The following HMGCLL1 variants were observed in gnomAD, a reference collection of about 807,000 sequenced individuals.
The protein encoded by HMGCLL1 is 3-hydroxy-3-methylglutaryl-CoA lyase like 1, also known as 3-hydroxymethyl-3-methylglutaryl-CoA lyase, cytoplasmic.
A neutral mutation model predicts 39.1 loss-of-function variants in HMGCLL1; 36 were observed. The observed-to-expected ratio is 0.92, with a 90% CI of 0.71 to 1.22. The LOEUF is 1.22. HMGCLL1 is among the 50% of genes most tolerant of loss of function. The pLI is 0.00. For missense variants in HMGCLL1, 451 were observed against 416.5 expected, an observed-to-expected ratio of 1.08 and a Z score of -0.72; for synonymous variants, 149 against 144.0, an observed-to-expected ratio of 1.03 and a Z score of -0.25.
chr6:55,611,664 A>G, the HMGCLL1 span, among the ~76,000 whole-genome samples: 1 of 152,152 alleles, frequency 6.6e-6, no homozygotes, highest in Admixed American at 6.6e-5. Flanking sequence ...CAACATACAC[A>G]AATCAATAAA....
intron 5 of HMGCLL1, chr6:55,513,647 G>A (rs1355269086): frequency 1.7e-5 from 3 of 176,638 alleles, no homozygotes; most frequent in African/African-American, 7.1e-5. Flanking sequence ...AATACTCTTT[G>A]AAGAAAAAGT....
the HMGCLL1 span, among the ~76,000 whole-genome samples, chr6:55,659,206 G>C: frequency 6.6e-6 from 1 of 151,854 alleles, no homozygotes; most frequent in Non-Finnish European, 1.5e-5. Context: ...TGAGTGGATA[G>C]AGATGTCATT....
At chr6:55,639,919 A>G in the HMGCLL1 span, among the ~76,000 whole-genome samples, 1 of 149,924 alleles carries the variant, frequency 6.7e-6, no homozygotes, top group Non-Finnish European at 1.5e-5. Flanking sequence ...TCTCTACTAG[A>G]AAAAAAAAAT....
intron 3 of HMGCLL1, among the ~76,000 whole-genome samples, chr6:55,539,315 T>G (rs1176573503): frequency 6.6e-6 from 1 of 152,188 alleles, no homozygotes; most frequent in Non-Finnish European, 1.5e-5. Flanking sequence ...GAAATGCCAT[T>G]TGACCCATCA....
chr6:55,578,877 G>A, intron 1 of HMGCLL1, 71 bp downstream of exon 1: 2 of 1,108,590 alleles, frequency 1.8e-6, no homozygotes, highest in Admixed American at 1.8e-5. Context: ...GGCACCAAGA[G>A]GTTGCAGGGA....
At chr6:55,532,560 T>C (rs1768743887) in intron 3 of HMGCLL1, among the ~76,000 whole-genome samples, 1 of 151,968 alleles carries the variant, frequency 6.6e-6, no homozygotes, top group Non-Finnish European at 1.5e-5. Flanking sequence ...CTCAACACTT[T>C]GGGAGCCTGA....
chr6:55,658,046 C>T, the HMGCLL1 span, among the ~76,000 whole-genome samples: 3 of 151,400 alleles, frequency 2.0e-5, no homozygotes, highest in South Asian at 4.2e-4. Flanking sequence ...GCACTTATAC[C>T]TTGAACTTAA....
intron 1 of HMGCLL1, among the ~76,000 whole-genome samples, chr6:55,578,645 A>G (rs902806870): frequency 6.6e-6 from 1 of 152,240 alleles, no homozygotes; most frequent in Non-Finnish European, 1.5e-5. Context: ...AAATTGTATT[A>G]CGTAATGCAT....
chr6:55,638,865 A>G, the HMGCLL1 span, among the ~76,000 whole-genome samples: 1 of 152,182 alleles, frequency 6.6e-6, no homozygotes, highest in Non-Finnish European at 1.5e-5. Context: ...CAGGAGAATA[A>G]AGCCAAGAGT....
the HMGCLL1 span, among the ~76,000 whole-genome samples, chr6:55,631,965 T>G: frequency 6.6e-6 from 1 of 152,162 alleles, no homozygotes; most frequent in African/African-American, 2.4e-5. Context: ...GTCATTTTTC[T>G]GGAAAGTTTT....
intron 5 of HMGCLL1, chr6:55,512,114 A>G (rs1384437090): frequency 6.6e-6 from 1 of 152,126 alleles, no homozygotes; most frequent in Non-Finnish European, 1.5e-5. Context: ...AGTTACATTA[A>G]CTATTCCATT....
chr6:55,571,303 G>A (rs1771477510), intron 1 of HMGCLL1, among the ~76,000 whole-genome samples: 1 of 152,108 alleles, frequency 6.6e-6, no homozygotes, highest in African/African-American at 2.4e-5. Flanking sequence ...CCTGGTACAT[G>A]TTATTTGAAG....
chr6:55,546,881 G>A (rs12193162), intron 1 of HMGCLL1, among the ~76,000 whole-genome samples: 98,438 of 151,934 alleles, frequency 0.65, 32,190 homozygotes, highest in Admixed American at 0.71. Context: ...TCCAGAGTGA[G>A]TGTTTCAAAA....
intron 1 of HMGCLL1, among the ~76,000 whole-genome samples, chr6:55,548,875 AT>A (rs1770148397): frequency 6.6e-6 from 1 of 151,662 alleles, no homozygotes; most frequent in African/African-American, 2.4e-5. Context: ...GACAAAGTAC[AT>A]GTAAGAAGAA....
At chr6:55,524,780 T>C (rs1377677393) in intron 3 of HMGCLL1, among the ~76,000 whole-genome samples, 2 of 151,742 alleles carry the variant, frequency 1.3e-5, no homozygotes, top group African/African-American at 2.4e-5. Context: ...CCTTGGAAAA[T>C]TTCATATTTC....
At chr6:55,674,051 G>A in the HMGCLL1 span, among the ~76,000 whole-genome samples, 4 of 151,984 alleles carry the variant, frequency 2.6e-5, no homozygotes, top group Admixed American at 2.0e-4. Context: ...GGTAGGCTGA[G>A]AGTAAAGAAG....
chr6:55,542,231 C>A, intron 1 of HMGCLL1, 91 bp from the exon 2 acceptor site: 4 of 692,850 alleles, frequency 5.8e-6, no homozygotes, highest in African/African-American at 1.8e-5. Context: ...CTTTGTTATA[C>A]TCTTACCCCA....
intron 3 of HMGCLL1, among the ~76,000 whole-genome samples, chr6:55,536,403 T>G (rs1003518562): frequency 4.6e-5 from 7 of 152,192 alleles, no homozygotes; most frequent in Non-Finnish European, 7.4e-5. Context: ...ATATTCATTT[T>G]AATCACTTGT....
At chr6:55,622,846 T>C in the HMGCLL1 span, among the ~76,000 whole-genome samples, 1 of 152,034 alleles carries the variant, frequency 6.6e-6, no homozygotes, top group South Asian at 2.1e-4. Flanking sequence ...AGGTGTTAGT[T>C]CTTTATATGT....
Sources: allele counts gnomAD v4.1 joint callset (sites outside exome capture counted in the v4.1 genomes callset), GRCh38; gene constraint gnomAD v4.1.1; transcripts MANE v1.5; gene names NCBI Gene and HGNC (gene_info 2026-07-23, HGNC 2026-07-21).